Variants in TAFA1 observed in about 807,000 individuals in gnomAD.
TAFA1 encodes chemokine-like protein TAFA-1.
TAFA1 carries 4 observed loss-of-function variants against 18.5 expected under a neutral mutation model. The ratio of observed to expected loss-of-function variants is 0.22; its 90% CI spans 0.11 to 0.49. TAFA1 has a LOEUF of 0.49. Ranked by LOEUF, TAFA1 falls within the 20% of genes least tolerant of loss-of-function variation. TAFA1 has a pLI of 0.98. For synonymous variants in TAFA1, 56 were observed against 55.2 expected (o/e 1.01, Z -0.06); for missense variants, 147 against 169.0 (o/e 0.87, Z 0.72).
At chr3:68,049,815 T>A (rs1172513854) in intron 2 of TAFA1, among the ~76,000 whole-genome samples, 1 of 152,116 alleles carries the variant, frequency 6.6e-6, no homozygotes, top group African/African-American at 2.4e-5. Context: ...ATTTTCTGCA[T>A]ATTTTTTTTC....
At chr3:68,048,580 A>T (rs2064423765) in intron 2 of TAFA1, among the ~76,000 whole-genome samples, 1 of 152,004 alleles carries the variant, frequency 6.6e-6, no homozygotes, top group South Asian at 2.1e-4. Flanking sequence ...GTACACATCA[A>T]CTATCCCTAG....
chr3:68,302,907 G>A (rs2068331689), intron 2 of TAFA1, among the ~76,000 whole-genome samples: 1 of 152,172 alleles, frequency 6.6e-6, no homozygotes, highest in Admixed American at 6.5e-5. Context: ...TTCTATCCAA[G>A]TTCTACTACT....
chr3:68,119,301 TG>T (rs1255810488), intron 2 of TAFA1, among the ~76,000 whole-genome samples: 1 of 152,170 alleles, frequency 6.6e-6, no homozygotes, highest in Admixed American at 6.5e-5. Context: ...ATCAGATACA[TG>T]ATTTACAAAT....
intron 2 of TAFA1, among the ~76,000 whole-genome samples, chr3:68,015,248 C>T (rs1462982088): frequency 2.0e-5 from 3 of 151,550 alleles, no homozygotes; most frequent in African/African-American, 7.3e-5. Context: ...TCATTTGAAT[C>T]TCAGCTAAAA....
At chr3:68,108,755 T>C (rs2065232520) in intron 2 of TAFA1, among the ~76,000 whole-genome samples, 1 of 152,106 alleles carries the variant, frequency 6.6e-6, no homozygotes, top group Non-Finnish European at 1.5e-5. Flanking sequence ...TAGAATATGA[T>C]TTTTAAAATT....
At position 68,245,662 on chromosome 3, in the gene TAFA1, C is replaced by T. The variant is rs539932963; in HGVS notation, c.119-171618C>T. 2.6e-5 allele frequency among the ~76,000 whole-genome samples: 4 copies of T among 152,250 alleles called. 1 individual carries two copies. Among genetic ancestry groups the T allele is most frequent in the African/African-American group, 9.6e-5 (4 of 41,556 alleles). The stretch of plus-strand genomic sequence containing the variant: ...GTCACCTTTAGCAAATAGAAAATGT[C>T]ATGGATAGAGCAAAAATCAGAAGAT... On this transcript the variant is annotated intron_variant, in intron 2 of 4. Coordinates refer to ENST00000478136, the MANE Select transcript of TAFA1 (RefSeq NM_213609.4).
intron 2 of TAFA1, among the ~76,000 whole-genome samples, chr3:68,044,752 T>C (rs1055924673): frequency 2.6e-5 from 4 of 152,206 alleles, no homozygotes; most frequent in African/African-American, 9.6e-5. Flanking sequence ...ACTTGCTAGG[T>C]GTTAGACCTT....
intron 3 of TAFA1, among the ~76,000 whole-genome samples, chr3:68,490,642 G>A (rs1246415911): frequency 6.6e-6 from 1 of 151,906 alleles, no homozygotes; most frequent in East Asian, 1.9e-4. Context: ...CACTCTTCTT[G>A]CTAATTTTTT....
At chr3:68,193,747 C>CA (rs112863815) in intron 2 of TAFA1, among the ~76,000 whole-genome samples, 2,533 of 146,482 alleles carry the variant, frequency 0.017, 28 homozygotes, top group Non-Finnish European at 0.026. Context: ...AAGTGGATTG[C>CA]AAAAAAAAAA....
intron 2 of TAFA1, among the ~76,000 whole-genome samples, chr3:68,073,089 A>G (rs970109598): frequency 2.0e-5 from 3 of 152,150 alleles, no homozygotes; most frequent in Non-Finnish European, 2.9e-5. Flanking sequence ...TCCAAAGAAA[A>G]TTTCAAGACA....
intron 3 of TAFA1, among the ~76,000 whole-genome samples, chr3:68,474,430 G>T (rs560420019): frequency 1.2e-4 from 19 of 152,250 alleles, no homozygotes; most frequent in Admixed American, 3.3e-4. Context: ...ATGGTGAGTT[G>T]GCTCTACCAT....
At chr3:68,472,205 C>T (rs905893880) in intron 3 of TAFA1, among the ~76,000 whole-genome samples, 4 of 151,978 alleles carry the variant, frequency 2.6e-5, no homozygotes, top group African/African-American at 4.8e-5. Context: ...GGTGGTTTTC[C>T]CCATACTGTT....
chr3:68,295,479 G>A (rs1208342870), intron 2 of TAFA1, among the ~76,000 whole-genome samples: 1 of 152,078 alleles, frequency 6.6e-6, no homozygotes, highest in African/African-American at 2.4e-5. Flanking sequence ...TCTTAGTGCT[G>A]TGTGTCTGTG....
intron 1 of TAFA1, among the ~76,000 whole-genome samples, chr3:68,005,387 A>G (rs1704339528): frequency 1.3e-5 from 2 of 152,212 alleles, no homozygotes; most frequent in African/African-American, 4.8e-5. Flanking sequence ...CTTTGCACTT[A>G]ATTATAGTTG....
chr3:67,994,295 A>G, the TAFA1 span, among the ~76,000 whole-genome samples: 1 of 152,232 alleles, frequency 6.6e-6, no homozygotes, highest in Non-Finnish European at 1.5e-5. Context: ...CAATGAGGAC[A>G]CTTGAGTTCC....
chr3:68,479,655 A>T (rs1323721662), intron 3 of TAFA1, among the ~76,000 whole-genome samples: 2 of 152,180 alleles, frequency 1.3e-5, no homozygotes, highest in Non-Finnish European at 2.9e-5. Context: ...GAAAATGTAC[A>T]TGCTCAATCA....
intron 2 of TAFA1, among the ~76,000 whole-genome samples, chr3:68,081,727 A>G (rs979475998): frequency 1.3e-5 from 2 of 152,210 alleles, no homozygotes; most frequent in South Asian, 2.1e-4. Flanking sequence ...GCTGTCAGAC[A>G]GGGACATTTA....
At chr3:68,360,152 C>A (rs773484853) in intron 2 of TAFA1, among the ~76,000 whole-genome samples, 2 of 151,860 alleles carry the variant, frequency 1.3e-5, no homozygotes, top group Non-Finnish European at 2.9e-5. Flanking sequence ...CAGTTCCATG[C>A]CTCCTCATGC....
intron 3 of TAFA1, among the ~76,000 whole-genome samples, chr3:68,503,944 C>CAT (rs1328353574): frequency 7.9e-5 from 12 of 151,988 alleles, no homozygotes. Flanking sequence ...TTATCATAAT[C>CAT]ATATAATTTG....
Sources: gnomAD v4.1 joint callset for allele counts (sites outside exome capture counted in the v4.1 genomes callset) on GRCh38, gnomAD v4.1.1 for gene constraint, MANE v1.5 for transcripts, NCBI Gene and HGNC (gene_info 2026-07-23, HGNC 2026-07-21) for gene names.